NUDT12: variants seen among roughly 807,000 people sequenced by gnomAD.
NUDT12 encodes nudix hydrolase 12.
In NUDT12, 42 loss-of-function variants were observed where a neutral mutation model predicts 45.7. That is an observed-to-expected ratio of 0.92 (90% confidence interval 0.72 to 1.19). The LOEUF is 1.19. NUDT12 is among the 50% of genes most tolerant of loss of function. The pLI is 0.00. For missense variants in NUDT12, 590 were observed against 533.1 expected (o/e 1.11, Z -1.05); for synonymous variants, 206 against 179.7 (o/e 1.15, Z -1.17).
At chr5:103,561,609 A>G (rs1003650816) in intron 1 of NUDT12, among the ~76,000 whole-genome samples, 7 of 152,222 alleles carry the variant, frequency 4.6e-5, no homozygotes, top group Non-Finnish European at 1.0e-4. Context: ...AATACTATGC[A>G]TAACAAAAGC....
At chr5:103,554,692 G>T in intron 5 of NUDT12, 48 bp downstream of exon 5, 1 of 640,144 alleles carries the variant, frequency 1.6e-6, no homozygotes, top group Non-Finnish European at 2.4e-6. Flanking sequence ...CCTAAACTTT[G>T]TATTTTAAAA....
At position 103,555,974 on chromosome 5, in the gene NUDT12, ACAGTCTTCT is replaced by A; in HGVS notation, c.912_920del (p.Lys304_Cys307delinsAsn). 1 of 1,610,058 alleles carries A rather than the reference ACAGTCTTCT, an allele frequency of 6.2e-7. No individual in the cohort carries two copies. The highest frequency in any genetic ancestry group is 8.5e-7 in the Non-Finnish European group (1 of 1,177,632). On this transcript the variant is annotated inframe_deletion, in exon 4 of 7. Coordinates refer to ENST00000230792, the MANE Select transcript of NUDT12 (RefSeq NM_031438.4). Reference sequence around the variant, plus strand: ...TATTATGGACGCCATTGAGACTAGGACAGTCTTCTTTTAAACATAATCTCTTATAGCCAC... The same window carrying A: ...TATTATGGACGCCATTGAGACTAGGATTTAAACATAATCTCTTATAGCCAC...
At position 103,554,873 on chromosome 5, in the gene NUDT12, G is replaced by A; in HGVS notation, c.965-20C>T. 6.6e-6 allele frequency: 7 copies of A among 1,053,284 alleles called. No homozygotes were observed. Among genetic ancestry groups the A allele is most frequent in the Non-Finnish European group, 9.8e-6 (7 of 716,976 alleles). 65.2% of individuals were successfully genotyped at this position (1,053,284 alleles called of 1,614,324 possible). On this transcript the variant is annotated intron_variant, in intron 4 of 6. Transcript: ENST00000230792. ...CTGGATCTGTTGAAAAAAAAAATCA[G>A]ATACATGAATGGCAGGAAAAACGAA... is the stretch of plus-strand genomic sequence containing the variant.
chr5:103,549,348 C>T lies in NUDT12; in HGVS notation c.*1513G>A, dbSNP rs924605792. The stretch of plus-strand genomic sequence containing the variant: ...CCTTCATCAATTCCTAAGAAAATCA[C>T]TGCTCATTAGTAAAATAAAGTTTTA... On this transcript the variant is annotated 3_prime_UTR_variant, in exon 7 of 7. Transcript: ENST00000230792. The T allele has an allele frequency of 1.3e-5, 2 of 151,934 alleles. No homozygotes were observed. The highest frequency in any genetic ancestry group is 6.6e-5 in the Admixed American group (1 of 15,250). 9.4% of individuals were successfully genotyped at this position (151,934 alleles called of 1,614,324 possible).
rs1748594638 is a variant in NUDT12 at position 103,549,763 on chromosome 5, C to T, written c.*1098G>A. 6.6e-6 allele frequency: 1 copy of T among 151,988 alleles called. No individual in the cohort carries two copies. Among genetic ancestry groups the T allele is most frequent in the Non-Finnish European group, 1.5e-5 (1 of 67,954 alleles). The allele number at this position is 151,988 out of a possible 1,614,324, so 9.4% of individuals were successfully genotyped here. A position where few individuals can be genotyped will look rare whatever the true frequency, so the allele number is the denominator to read the frequency against. ...AGCTATTAAATCAATTTCAAAATAG[C>T]CTTTCAAAATGTGACTTTCTATGTT... On this transcript the variant is annotated 3_prime_UTR_variant, in exon 7 of 7. Transcript: ENST00000230792.
chr5:103,551,078 A>G (rs986917232), intron 6 of NUDT12, 107 bp from the exon 7 acceptor site: 1 of 766,098 alleles, frequency 1.3e-6, no homozygotes, highest in African/African-American at 1.8e-5. Flanking sequence ...TTTACAGTGA[A>G]TAACAACAGT....
Position 103,554,786 on chromosome 5 carries a change from T to C in NUDT12, c.1032A>G (p.Arg344=). Residue 344 remains arginine, a synonymous_variant, in exon 5 of 7, where the codon AGA becomes AGG. Transcript: ENST00000230792. ...GTKCLLGRQK[R]FPPGMFTCLA... Reference sequence around the variant, plus strand: ...GGCAAGTAAACATGCCTGGGGGAAATCTTTTCTGCCTGCCTAAAAGGCATT... The same window carrying C: ...GGCAAGTAAACATGCCTGGGGGAAACCTTTTCTGCCTGCCTAAAAGGCATT... The C allele has an allele frequency of 6.4e-7, 1 of 1,558,940 alleles. No individual in the cohort carries two copies. The highest frequency in any genetic ancestry group is 8.7e-7 in the Non-Finnish European group (1 of 1,148,274).
rs147819595 is a variant in NUDT12 at position 103,560,996 on chromosome 5, T to C, written c.-6-742A>G. ...GGTAAACCCTGAAATAATTGTTCCA[T>C]ACCTCTTAAATATTGCCTAATCATG... On this transcript the variant is annotated intron_variant, in intron 1 of 6. Coordinates refer to ENST00000230792, the MANE Select transcript of NUDT12 (RefSeq NM_031438.4). Among the ~76,000 whole-genome samples the C allele has an allele frequency of 7.2e-5, 11 of 152,100 alleles. No individual in the cohort carries two copies. The East Asian group carries it at 2.1e-3, about 29-fold the overall frequency.
intron 5 of NUDT12, among the ~76,000 whole-genome samples, chr5:103,554,177 G>A (rs1480458196): frequency 2.6e-5 from 4 of 151,994 alleles, no homozygotes; most frequent in African/African-American, 4.8e-5. Context: ...TCTACTACAT[G>A]TGCTACAGGC....
chr5:103,558,879 C>A lies in NUDT12; in HGVS notation c.796G>T (p.Gly266Trp). The A allele has an allele frequency of 6.5e-7, 1 of 1,541,976 alleles. No individual in the cohort carries two copies. The highest frequency in any genetic ancestry group is 8.7e-7 in the Non-Finnish European group (1 of 1,147,320). ...ALLQLKEKEA[G>W]VVAQARSVLA... ...ATGAAAAGCAGCATTCATTTCTTAC[C>A]AGCTTCTTTTTCTTTCAATTGCAGA... is the stretch of plus-strand genomic sequence containing the variant. The change falls in exon 3 of 7, where the codon GGG (glycine) becomes TGG (tryptophan). Residue 266 changes from glycine to tryptophan, a missense_variant and splice_region_variant. Physicochemically the swap from Gly to Trp is radical, Grantham distance 184. Transcript: ENST00000230792.
chr5:103,559,863 T>C, intron 2 of NUDT12, 180 bp downstream of exon 2: 1 of 564,002 alleles, frequency 1.8e-6, no homozygotes, highest in East Asian at 2.9e-5. Flanking sequence ...AATTTCTCAA[T>C]GAAAAAGGTT....
At chr5:103,554,143 C>T (rs1408361425) in intron 5 of NUDT12, among the ~76,000 whole-genome samples, 1 of 152,012 alleles carries the variant, frequency 6.6e-6, no homozygotes, top group African/African-American at 2.4e-5. Flanking sequence ...TGTATTCATT[C>T]ACTCCACAAA....
chr5:103,555,683 T>A (rs570859247), intron 4 of NUDT12, among the ~76,000 whole-genome samples: 1 of 152,166 alleles, frequency 6.6e-6, no homozygotes, highest in East Asian at 1.9e-4. Context: ...CCAAATTGGT[T>A]GGCTTTTGAA....
Position 103,562,729 on chromosome 5 carries a change from C to T in NUDT12, c.-33G>A. ...CAAAGGTGACCACAGTAGAGGCAACCAGGATGCAGTCCAAAGATTGGGATA... is the reference window on the plus strand; with the variant it reads ...CAAAGGTGACCACAGTAGAGGCAACTAGGATGCAGTCCAAAGATTGGGATA... On this transcript the variant is annotated 5_prime_UTR_variant, in exon 1 of 7. Transcript: ENST00000230792. The T allele has an allele frequency of 7.0e-6, 1 of 143,394 alleles. No homozygotes were observed. Among genetic ancestry groups the T allele is most frequent in the Non-Finnish European group, 1.5e-5 (1 of 65,406 alleles). The allele number at this position is 143,394 out of a possible 1,614,324, so 8.9% of individuals were successfully genotyped here. A position where few individuals can be genotyped will look rare whatever the true frequency, so the allele number is the denominator to read the frequency against.
intron 1 of NUDT12, among the ~76,000 whole-genome samples, chr5:103,560,991 T>C (rs1435867216): frequency 6.6e-6 from 1 of 152,032 alleles, no homozygotes. Flanking sequence ...GAAATAATTG[T>C]TCCATACCTC....
intron 3 of NUDT12, among the ~76,000 whole-genome samples, chr5:103,558,459 T>C (rs545656849): frequency 1.3e-5 from 2 of 152,140 alleles, no homozygotes; most frequent in East Asian, 3.9e-4. Flanking sequence ...GTGTGCAGTG[T>C]CTTTTTTAAA....
intron 6 of NUDT12, 89 bp downstream of exon 6, chr5:103,552,128 C>T (rs1363534755): frequency 2.9e-6 from 3 of 1,020,916 alleles, no homozygotes; most frequent in Admixed American, 1.8e-5. Flanking sequence ...CATCATTCAA[C>T]TTGCTGAAAA....
chr5:103,550,953 T>C lies in NUDT12; in HGVS notation c.1297A>G (p.Lys433Glu). 1.2e-6 allele frequency: 2 copies of C among 1,613,730 alleles called. No homozygotes were observed. Among genetic ancestry groups the C allele is most frequent in the South Asian group, 1.1e-5 (1 of 91,084 alleles). ...ACAAAGAATGCCTGCTGCTTCCCTTTGGTCAGAACATCCAGGACCTAAAAC... is the reference window on the plus strand; with the variant it reads ...ACAAAGAATGCCTGCTGCTTCCCTTCGGTCAGAACATCCAGGACCTAAAAC... Reference protein sequence around the residue: ...TREQVLDVLTKGKQQAFFVPP... With the variant: ...TREQVLDVLTEGKQQAFFVPP... Residue 433 changes from lysine to glutamate, a missense_variant, in exon 7 of 7, where the codon AAA becomes GAA. Lys to Glu is a moderately conservative substitution (Grantham distance 56, BLOSUM62 1). Coordinates refer to ENST00000230792, the MANE Select transcript of NUDT12 (RefSeq NM_031438.4).
intron 1 of NUDT12, among the ~76,000 whole-genome samples, chr5:103,561,156 CT>C (rs1386795775): frequency 2.0e-5 from 3 of 150,132 alleles, no homozygotes; most frequent in Admixed American, 1.3e-4. Flanking sequence ...TATAATTCTT[CT>C]TTCTATGAAA....
Sources: allele counts gnomAD v4.1 joint callset (sites outside exome capture counted in the v4.1 genomes callset), GRCh38; gene constraint gnomAD v4.1.1; transcripts MANE v1.5; gene names NCBI Gene and HGNC (gene_info 2026-07-23, HGNC 2026-07-21).